Variants in CRELD1 observed in about 807,000 individuals in gnomAD.
CRELD1 encodes CRELD disulfide isomerase 1.
In CRELD1, 42 loss-of-function variants were observed where a neutral mutation model predicts 58.2. The ratio of observed to expected loss-of-function variants is 0.72; its 90% CI spans 0.56 to 0.93. CRELD1 has a LOEUF of 0.93. Among genes scored for constraint, CRELD1 ranks in the 40% least tolerant of loss-of-function variants. The pLI, the probability that CRELD1 is intolerant of heterozygous loss-of-function variation, is 0.00. For synonymous variants in CRELD1, 222 were observed against 202.0 expected (o/e 1.10, Z -0.84); for missense variants, 500 against 540.6 (o/e 0.92, Z 0.74).
At chr3:9,942,589 G>T (rs1341358162) in intron 7 of CRELD1, among the ~76,000 whole-genome samples, 2 of 152,130 alleles carry the variant, frequency 1.3e-5, no homozygotes, top group African/African-American at 4.8e-5. Flanking sequence ...CATCCTGTTG[G>T]CCAGAACTCA....
At chr3:9,939,184 T>TAAAA (rs1559336391) in intron 5 of CRELD1, among the ~76,000 whole-genome samples, 3 of 143,514 alleles carry the variant, frequency 2.1e-5, no homozygotes, top group Non-Finnish European at 1.5e-5. Flanking sequence ...AATAAATAAA[T>TAAAA]AAAAGGTCTG....
rs1444336250 is a variant in CRELD1 at position 9,940,953 on chromosome 3, G to C, written c.564G>C (p.Gly188=). The change falls in exon 6 of 11, where the codon GGG becomes GGC. Residue 188 remains glycine (G), a synonymous_variant. Transcript: ENST00000452070. ...ACTGTGACTGCCAAGCCGGCTACGG[G>C]GGTGAGGCCTGTGGCCAGTGTGGCC... The part of the protein sequence containing the change: ...SGHCDCQAGY[G]GEACGQCGLG... 1 of 1,614,180 alleles carries C rather than the reference G, an allele frequency of 6.2e-7. No homozygotes were observed. Among genetic ancestry groups the C allele is most frequent in the Non-Finnish European group, 8.5e-7 (1 of 1,180,038 alleles).
chr3:9,944,400 G>T lies in CRELD1; in HGVS notation c.1084G>T (p.Glu362Ter), dbSNP rs774428153. 2 of 1,614,118 alleles carry T rather than the reference G, an allele frequency of 1.2e-6. No individual in the cohort carries two copies. Among genetic ancestry groups the T allele is most frequent in the Non-Finnish European group, 1.7e-6 (2 of 1,180,038 alleles). Reference protein sequence around the residue: ...AGFFSEMTEDELVVLQQMFFG... With the variant: ...AGFFSEMTED ...CTTCTTCTCAGAGATGACAGAAGAC[G>T]AGTTGGTGGTGCTGCAGCAGATGTT... Residue 362 changes from glutamate to a stop codon, truncating the protein, a stop_gained, in exon 11 of 11, where the codon GAG (glutamate) becomes TAG (stop). Transcript: ENST00000452070. LOFTEE classifies it high-confidence loss of function.
intron 5 of CRELD1, among the ~76,000 whole-genome samples, chr3:9,939,204 A>C (rs2085279726): frequency 6.6e-6 from 1 of 152,096 alleles, no homozygotes; most frequent in African/African-American, 2.4e-5. Flanking sequence ...GTAAAATCTA[A>C]TTGTTCCACA....
Position 9,934,407 on chromosome 3 carries a change from C to T in CRELD1, c.-19-13C>T. The T allele has an allele frequency of 6.2e-7, 1 of 1,603,416 alleles. No homozygotes were observed. Reference sequence around the variant, plus strand: ...CTCCTTCAGTGAAGCCTCTCCACGCCCTCTATCTGCAGGTCCCCAGCCTGG... The same window carrying T: ...CTCCTTCAGTGAAGCCTCTCCACGCTCTCTATCTGCAGGTCCCCAGCCTGG... On this transcript the variant is annotated splice_polypyrimidine_tract_variant and intron_variant, in intron 1 of 10. Coordinates refer to ENST00000452070, the MANE Select transcript of CRELD1 (RefSeq NM_001077415.3).
In CRELD1 at chr3:9,940,533, T is replaced by C. The variant is rs1263751149; in HGVS notation, c.461-317T>C. ...AAATACGAAAACCAGTCAGGCGTGG[T>C]GGCGCGCGCCTGCAATCGCAGGCAC... On this transcript the variant is annotated intron_variant, in intron 5 of 10. Transcript: ENST00000452070. Among the ~76,000 whole-genome samples, 1,210 of 151,750 alleles carry C rather than the reference T, an allele frequency of 8.0e-3. 12 individuals carry two copies. The highest frequency in any genetic ancestry group is 0.027 in the African/African-American group (1,126 of 41,308).
rs184735818 is a variant in CRELD1 at position 9,942,748 on chromosome 3, G to C, written c.734-65G>C. ...ATCCCAGGCAAGACCATTCCCCAAC[G>C]GCTCTGGCTTCAGCTTCCCTACTAA... On this transcript the variant is annotated intron_variant, in intron 7 of 10. Coordinates refer to ENST00000452070, the MANE Select transcript of CRELD1 (RefSeq NM_001077415.3). 154 of 1,281,430 alleles carry C rather than the reference G, an allele frequency of 1.2e-4. No individual in the cohort carries two copies. The Middle Eastern group carries it at 2.8e-3, about 23-fold the overall frequency. 79.4% of individuals were successfully genotyped at this position (1,281,430 alleles called of 1,614,324 possible).
chr3:9,942,963 C>A, intron 8 of CRELD1, 67 bp downstream of exon 8: 1 of 1,545,868 alleles, frequency 6.5e-7, no homozygotes, highest in Non-Finnish European at 8.9e-7. Flanking sequence ...ACACCTGTCC[C>A]TCCAAACCTT....
chr3:9,940,879 G>A lies in CRELD1; in HGVS notation c.490G>A (p.Gly164Ser), dbSNP rs775546357. Residue 164 changes from glycine (G) to serine (S), a missense_variant, in exon 6 of 11, where the codon GGT becomes AGT. Transcript: ENST00000452070. The part of the protein sequence containing the change: ...PCPGGTERPC[G>S]GYGQCEGEGT... ...TCCTGGGGGAACAGAGAGGCCCTGCGGTGGCTACGGGCAGTGTGAAGGAGA... is the reference window on the plus strand; with the variant it reads ...TCCTGGGGGAACAGAGAGGCCCTGCAGTGGCTACGGGCAGTGTGAAGGAGA... The A allele has an allele frequency of 2.9e-5, 47 of 1,613,974 alleles. No individual in the cohort carries two copies. Among genetic ancestry groups the A allele is most frequent in the South Asian group, 2.9e-4 (26 of 91,084 alleles).
chr3:9,939,712 A>T (rs1441105325), intron 5 of CRELD1, among the ~76,000 whole-genome samples: 1 of 152,216 alleles, frequency 6.6e-6, no homozygotes, highest in Non-Finnish European at 1.5e-5. Flanking sequence ...AACAAAATGA[A>T]AAGTCTCCCG....
In CRELD1 at chr3:9,941,249, C is replaced by G. The variant is rs536418926; in HGVS notation, c.733+43C>G. 2.8e-4 allele frequency: 442 copies of G among 1,554,690 alleles called. 8 individuals carry two copies. In the South Asian group the frequency reaches 4.7e-3, roughly 17 times the overall value. On this transcript the variant is annotated intron_variant, in intron 7 of 10. Transcript: ENST00000452070. ...TAGGTCTGGGAAGATGGTCAGGGGC[C>G]TGGGCTTGGTCCTTTATTCTCTCAA...
Position 9,944,839 on chromosome 3 carries a change from T to C in CRELD1, c.*260T>C. On this transcript the variant is annotated 3_prime_UTR_variant, in exon 11 of 11. Transcript: ENST00000452070. Reference sequence around the variant, plus strand: ...TCACAATGTGTGAATTTCAAAAGTTTTTCCTTAATGGTGGCTGCTAGAGCT... The same window carrying C: ...TCACAATGTGTGAATTTCAAAAGTTCTTCCTTAATGGTGGCTGCTAGAGCT... The C allele has an allele frequency of 1.9e-6, 1 of 521,692 alleles. No homozygotes were observed. The highest frequency in any genetic ancestry group is 3.5e-5 in the East Asian group (1 of 28,458). 32.3% of individuals were successfully genotyped at this position (521,692 alleles called of 1,614,324 possible).
intron 3 of CRELD1, 97 bp downstream of exon 3, chr3:9,935,014 A>T (rs2085134215): frequency 5.0e-6 from 5 of 998,090 alleles, no homozygotes; most frequent in African/African-American, 1.6e-5. Context: ...GCACTTATTC[A>T]TTCAACAAAT....
chr3:9,938,154 A>G, intron 5 of CRELD1, 48 bp downstream of exon 5: 2 of 1,402,698 alleles, frequency 1.4e-6, no homozygotes, highest in Non-Finnish European at 1.0e-6. Flanking sequence ...CACCGAGTCC[A>G]GGGATCCAGT....
Position 9,934,573 on chromosome 3 carries a change from G to T in CRELD1, c.135G>T (p.Pro45=). The change falls in exon 2 of 11, where the codon CCG becomes CCT. Residue 45 remains proline, a synonymous_variant. Transcript: ENST00000452070. ...CTTCTCCCCCGCCTCAGCCCCATCC[G>T]TGTCATACCTGCCGGGGACTGGTTG... The part of the protein sequence containing the change: ...PQSSPPPQPH[P]CHTCRGLVDS... 1 of 1,614,012 alleles carries T rather than the reference G, an allele frequency of 6.2e-7. No individual in the cohort carries two copies. Among genetic ancestry groups the T allele is most frequent in the South Asian group, 1.1e-5 (1 of 91,080 alleles).
chr3:9,941,764 T>A (rs948331978), intron 7 of CRELD1, among the ~76,000 whole-genome samples: 8 of 116,986 alleles, frequency 6.8e-5, no homozygotes, highest in African/African-American at 2.8e-4. Flanking sequence ...CACTCCAGTC[T>A]GGGCAACAGA....
At chr3:9,935,741 A>G (rs1229761325) in intron 3 of CRELD1, 4 of 152,140 alleles carry the variant, frequency 2.6e-5, no homozygotes, top group Non-Finnish European at 5.9e-5. Context: ...TGAGTAGTGC[A>G]GCTGTTTTCT....
At chr3:9,938,336 T>C (rs903129512) in intron 5 of CRELD1, 10 of 547,084 alleles carry the variant, frequency 1.8e-5, no homozygotes, top group Non-Finnish European at 3.3e-5. Context: ...TATCATCATG[T>C]ACTAAAGAAA....
intron 7 of CRELD1, among the ~76,000 whole-genome samples, chr3:9,942,350 C>A (rs752836127): frequency 4.6e-5 from 7 of 151,818 alleles, no homozygotes; most frequent in Non-Finnish European, 7.4e-5. Context: ...GTAGTCCAGG[C>A]TGGCAGGGGA....
Sources: allele counts gnomAD v4.1 joint callset (sites outside exome capture counted in the v4.1 genomes callset), GRCh38; gene constraint gnomAD v4.1.1; transcripts MANE v1.5; gene names NCBI Gene and HGNC (gene_info 2026-07-23, HGNC 2026-07-21).